Variants in BRPF3 observed in about 807,000 individuals in gnomAD.
BRPF3 encodes the protein bromodomain and PHD finger containing 3.
In BRPF3, 18 loss-of-function variants were observed where a neutral mutation model predicts 102.0. That is an observed-to-expected ratio of 0.18 (90% CI 0.12 to 0.26). The LOEUF (loss-of-function observed/expected upper bound fraction) is 0.26. BRPF3 is among the 10% of genes least tolerant of loss of function. The pLI, the probability that BRPF3 is intolerant of heterozygous loss-of-function variation, is 1.00. For synonymous variants in BRPF3, 570 were observed against 614.2 expected (o/e 0.93, Z 1.06); for missense variants, 1,147 against 1,567.8 (o/e 0.73, Z 4.53).
In BRPF3 at chr6:36,215,399, C is replaced by T. The variant is rs192024985; in HGVS notation, c.2989+1013C>T. 2.1e-3 allele frequency among the ~76,000 whole-genome samples: 327 copies of T among 152,310 alleles called. 3 individuals carry two copies. The highest frequency in any genetic ancestry group is 3.6e-3 in the Admixed American group (55 of 15,300). Reference sequence around the variant, plus strand: ...TGATGGGATTACAGGCATGAGCCACCGCGCCCCACCTAAAGTGTTCTTAAT... The same window carrying T: ...TGATGGGATTACAGGCATGAGCCACTGCGCCCCACCTAAAGTGTTCTTAAT... On this transcript the variant is annotated intron_variant, in intron 8 of 12. Coordinates refer to ENST00000357641, the MANE Select transcript of BRPF3 (RefSeq NM_015695.3).
At chr6:36,213,400 T>TA (rs1468186020) in intron 7 of BRPF3, among the ~76,000 whole-genome samples, 1 of 152,026 alleles carries the variant, frequency 6.6e-6, no homozygotes, top group East Asian at 1.9e-4. Flanking sequence ...AGATAAAACT[T>TA]ACTTCTCCTG....
rs202026755 is a variant in BRPF3 at position 36,204,648 on chromosome 6, T to A, written c.1449-10T>A. The A allele has an allele frequency of 1.2e-3, 1,967 of 1,614,216 alleles. 46 individuals are homozygous for A. In the South Asian group the frequency reaches 0.017, roughly 14 times the overall value. ...ACCTTGTCTTTCACTTCCGTGTGCCTCTACTCAAGGTTGAACAAGATCTGT... is the reference window on the plus strand; with the variant it reads ...ACCTTGTCTTTCACTTCCGTGTGCCACTACTCAAGGTTGAACAAGATCTGT... On this transcript the variant is annotated splice_polypyrimidine_tract_variant and intron_variant, in intron 2 of 12. Coordinates refer to ENST00000357641, the MANE Select transcript of BRPF3 (RefSeq NM_015695.3).
Position 36,218,067 on chromosome 6 carries a change from CCATT to C in BRPF3, c.3083+60_3083+63del, listed in dbSNP as rs917254467. 1.0e-5 allele frequency: 15 copies of C among 1,453,650 alleles called. No homozygotes were observed. The African/African-American group carries it at 2.0e-4, about 19-fold the overall frequency. 90.0% of individuals were successfully genotyped at this position (1,453,650 alleles called of 1,614,324 possible). ...GCTCTGCTACCCCTCCTTTTACTCT[CCATT>C]CAGCTACAGATTGAACCTCTTCCTG... On this transcript the variant is annotated intron_variant, in intron 9 of 12. Transcript: ENST00000357641.
intron 1 of BRPF3, among the ~76,000 whole-genome samples, chr6:36,199,768 GT>G (rs1767629287): frequency 6.6e-6 from 1 of 152,156 alleles, no homozygotes; most frequent in African/African-American, 2.4e-5. Context: ...TTACTTTTCT[GT>G]CTTTTGAGTT....
In BRPF3 at chr6:36,230,697, G is replaced by A. The variant is rs1446456119; in HGVS notation, c.*88G>A. 2.2e-5 allele frequency: 32 copies of A among 1,446,590 alleles called. No individual in the cohort carries two copies. The highest frequency in any genetic ancestry group is 2.7e-5 in the Non-Finnish European group (29 of 1,072,394). The allele number at this position is 1,446,590 out of a possible 1,614,324, so 89.6% of individuals were successfully genotyped here. A position where few individuals can be genotyped will look rare whatever the true frequency, so the allele number is the denominator to read the frequency against. ...TTCTGCCCCTGCCAGATGTATGGCC[G>A]GCAGCTTCCCCCTCTCATGGTAGGC... On this transcript the variant is annotated 3_prime_UTR_variant, in exon 13 of 13. Coordinates refer to ENST00000357641, the MANE Select transcript of BRPF3 (RefSeq NM_015695.3). This position sits in a 1 kb window ranked among gnomAD's most constrained non-coding sequence, Gnocchi z 5.4.
In BRPF3 at chr6:36,217,402, T is replaced by C. The variant is rs567875965; in HGVS notation, c.2990-515T>C. Among the ~76,000 whole-genome samples, 11 of 152,270 alleles carry C rather than the reference T, an allele frequency of 7.2e-5. No individual in the cohort carries two copies. In the East Asian group the frequency reaches 1.9e-3, roughly 27 times the overall value. Reference sequence around the variant, plus strand: ...CAGGGTGTGGTTGACAAAGGGCCCTTATCCATCTCTAGTCTCTCTTGACAC... The same window carrying C: ...CAGGGTGTGGTTGACAAAGGGCCCTCATCCATCTCTAGTCTCTCTTGACAC... On this transcript the variant is annotated intron_variant, in intron 8 of 12. Transcript: ENST00000357641.
chr6:36,200,320 G>T lies in BRPF3; in HGVS notation c.-3G>T. On this transcript the variant is annotated 5_prime_UTR_variant, in exon 2 of 13. Transcript: ENST00000357641. This position sits in a 1 kb window ranked among gnomAD's most constrained non-coding sequence, Gnocchi z 5.3. ...AGGCCTGTCCCCTCAGTTCCCAGGT[G>T]CCATGAGGAAGCCTCGTCGGAAGTC... is the stretch of plus-strand genomic sequence containing the variant. 6.2e-7 allele frequency: 1 copy of T among 1,611,822 alleles called. No individual in the cohort carries two copies. Among genetic ancestry groups the T allele is most frequent in the Non-Finnish European group, 8.5e-7 (1 of 1,178,642 alleles).
rs201840974 is a variant in BRPF3 at position 36,213,959 on chromosome 6, G to A, written c.2562G>A (p.Pro854=). 22 of 1,610,622 alleles carry A rather than the reference G, an allele frequency of 1.4e-5. No individual in the cohort carries two copies. The highest frequency in any genetic ancestry group is 5.5e-5 in the South Asian group (5 of 90,924). Residue 854 remains proline, a synonymous_variant, in exon 8 of 13, where the codon CCG becomes CCA. Transcript: ENST00000357641. The stretch of plus-strand genomic sequence containing the variant: ...CCTTGTCTGAGCAAGAATCCCCCCC[G>A]GAGCCCCCTACTCTGAAACCCATTA... The part of the protein sequence containing the change: ...APSLSEQESP[P]EPPTLKPIND...
At chr6:36,222,618 A>G (rs1768590331) in intron 10 of BRPF3, among the ~76,000 whole-genome samples, 2 of 152,294 alleles carry the variant, frequency 1.3e-5, no homozygotes, top group South Asian at 2.1e-4. Flanking sequence ...CAAAACTTGC[A>G]TGAATAATTA....
intron 9 of BRPF3, 113 bp downstream of exon 9, chr6:36,218,123 C>A: frequency 1.2e-6 from 1 of 844,886 alleles, no homozygotes; most frequent in Non-Finnish European, 1.8e-6. Context: ...TTCCCCCACT[C>A]CTGCTATTTC....
rs765321489 is a variant in BRPF3 at position 36,225,258 on chromosome 6, C to G, written c.3182-9C>G. 1.2e-6 allele frequency: 2 copies of G among 1,605,010 alleles called. No individual in the cohort carries two copies. Among genetic ancestry groups the G allele is most frequent in the South Asian group, 1.1e-5 (1 of 91,046 alleles). On this transcript the variant is annotated splice_polypyrimidine_tract_variant and intron_variant, in intron 10 of 12. Coordinates refer to ENST00000357641, the MANE Select transcript of BRPF3 (RefSeq NM_015695.3). ...TTGGGTGCTGTCTCCTCCCCTCCCC[C>G]ACCCCCAGGCAGAAGCCTCCTGCTG... is the stretch of plus-strand genomic sequence containing the variant.
In BRPF3 at chr6:36,230,579, C is replaced by G; in HGVS notation, c.3588C>G (p.Pro1196=). 8 of 1,614,054 alleles carry G rather than the reference C, an allele frequency of 5.0e-6. No individual in the cohort carries two copies. The highest frequency in any genetic ancestry group is 6.8e-6 in the Non-Finnish European group (8 of 1,179,982). The change falls in exon 13 of 13, where the codon CCC becomes CCG. Residue 1196 remains proline (P), a synonymous_variant. Coordinates refer to ENST00000357641, the MANE Select transcript of BRPF3 (RefSeq NM_015695.3). This position sits in a 1 kb window ranked among gnomAD's most constrained non-coding sequence, Gnocchi z 5.4. ...TCCACCTGAGCAGAGTCCGGGGGCC[C>G]CACTCCTTCGTCACTTCCAGCTACC... ...AMIHLSRVRG[P]HSFVTSSYL
intron 8 of BRPF3, 138 bp downstream of exon 8, chr6:36,214,524 C>T: frequency 2.8e-6 from 3 of 1,076,310 alleles, no homozygotes; most frequent in South Asian, 3.8e-5. Flanking sequence ...CACCATAGCT[C>T]ACAGTTGGGC....
chr6:36,214,465 T>C, intron 8 of BRPF3, 79 bp downstream of exon 8: 1 of 1,457,340 alleles, frequency 6.9e-7, no homozygotes, highest in Non-Finnish European at 9.0e-7. Context: ...CTTCCCCAAT[T>C]GGCCATCTCT....
At chr6:36,209,697 A>G in intron 4 of BRPF3, 90 bp from the exon 5 acceptor site, 1 of 1,506,154 alleles carries the variant, frequency 6.6e-7, no homozygotes, top group Non-Finnish European at 9.0e-7. Context: ...TTGTTGTACA[A>G]GATTGGTAAA....
chr6:36,229,352 G>T (rs956297385), intron 12 of BRPF3, among the ~76,000 whole-genome samples: 2 of 152,232 alleles, frequency 1.3e-5, no homozygotes, highest in Non-Finnish European at 2.9e-5. Flanking sequence ...TGCTGCCTCA[G>T]CTCATCCACT....
At position 36,219,586 on chromosome 6, in the gene BRPF3, C is replaced by T. The variant is rs910952295; in HGVS notation, c.3083+1576C>T. On this transcript the variant is annotated intron_variant, in intron 9 of 12. Transcript: ENST00000357641. ...CCACAAGAGCAAGCAAGGCCAGGCT[C>T]TGGTTAGCCTGCTAATTCAGGTGGC... Among the ~76,000 whole-genome samples the T allele has an allele frequency of 1.3e-5, 2 of 152,208 alleles. 1 individual carries two copies. The highest frequency in any genetic ancestry group is 2.9e-5 in the Non-Finnish European group (2 of 68,028).
intron 7 of BRPF3, among the ~76,000 whole-genome samples, chr6:36,213,561 A>T (rs964037871): frequency 6.6e-6 from 1 of 152,024 alleles, no homozygotes; most frequent in African/African-American, 2.4e-5. Context: ...AGCCTAGCCA[A>T]GTGTGGTGGT....
intron 11 of BRPF3, among the ~76,000 whole-genome samples, chr6:36,226,887 C>T (rs937296202): frequency 6.6e-6 from 1 of 152,250 alleles, no homozygotes; most frequent in African/African-American, 2.4e-5. Context: ...ACAGGGCTCT[C>T]TGCCCTGCCA....
Sources: allele counts gnomAD v4.1 joint callset (sites outside exome capture counted in the v4.1 genomes callset), GRCh38; gene constraint gnomAD v4.1.1; non-coding constraint Gnocchi (gnomAD v3.1); transcripts MANE v1.5; gene names NCBI Gene and HGNC (gene_info 2026-07-23, HGNC 2026-07-21).